The following MACROD2 variants were observed in gnomAD, a reference collection of about 807,000 sequenced individuals.
The protein encoded by MACROD2 is mono-ADP ribosylhydrolase 2.
In MACROD2, 36 loss-of-function variants were observed where a neutral mutation model predicts 70.4. The observed-to-expected ratio is 0.51, with a 90% confidence interval of 0.39 to 0.68. The LOEUF is 0.68. MACROD2 is among the 30% of genes least tolerant of loss of function. MACROD2 has a pLI of 0.00. For missense variants in MACROD2, 496 were observed against 538.4 expected, an observed-to-expected ratio of 0.92 and a Z score of 0.78; for synonymous variants, 172 against 178.8, an observed-to-expected ratio of 0.96 and a Z score of 0.30.
rs534766615 is a variant in MACROD2 at position 14,197,166 on chromosome 20, C to T, written c.271+111438C>T. ...ATTTGAAATGCATAATATCATTATT[C>T]TTATGGGACATTTACCATCTTTATT... On this transcript the variant is annotated intron_variant, in intron 3 of 17. Transcript: ENST00000684519. 3.3e-5 allele frequency among the ~76,000 whole-genome samples: 5 copies of T among 152,282 alleles called. No homozygotes were observed. In the South Asian group the frequency reaches 1.0e-3, roughly 32 times the overall value.
intron 5 of MACROD2, among the ~76,000 whole-genome samples, chr20:14,886,098 G>A (rs2073671909): frequency 6.6e-6 from 1 of 152,166 alleles, no homozygotes; most frequent in South Asian, 2.1e-4. Flanking sequence ...AGCAGGATGG[G>A]CAATATAAAA....
chr20:14,634,101 C>A (rs1242788281), intron 4 of MACROD2, among the ~76,000 whole-genome samples: 2 of 152,204 alleles, frequency 1.3e-5, no homozygotes, highest in Admixed American at 6.5e-5. Context: ...TTCCCACAAC[C>A]CGCCACACCC....
intron 2 of MACROD2, among the ~76,000 whole-genome samples, chr20:14,041,595 G>C (rs180768127): frequency 5.1e-4 from 78 of 152,310 alleles, no homozygotes; most frequent in African/African-American, 1.8e-3. Context: ...AGGCTTTCTA[G>C]AAAGATGTAA....
intron 12 of MACROD2, among the ~76,000 whole-genome samples, chr20:15,948,382 C>CAAAAAAAAAACAAAAAA (rs2065855818): frequency 2.3e-5 from 1 of 43,128 alleles, no homozygotes. Context: ...CTTGCAACTG[C>CAAAAAAAAAACAAAAAA]AAAAAAAAAA....
At chr20:14,030,016 T>C (rs191492767) in intron 2 of MACROD2, among the ~76,000 whole-genome samples, 1 of 152,290 alleles carries the variant, frequency 6.6e-6, no homozygotes, top group Admixed American at 6.5e-5. Flanking sequence ...AAATAGTACT[T>C]TTTTTCCTTG....
At chr20:14,513,288 C>T (rs573986711) in intron 4 of MACROD2, among the ~76,000 whole-genome samples, 1 of 152,034 alleles carries the variant, frequency 6.6e-6, no homozygotes, top group Admixed American at 6.6e-5. Flanking sequence ...TGAGCAAATG[C>T]CTGTTTTGAC....
intron 6 of MACROD2, among the ~76,000 whole-genome samples, chr20:15,237,332 G>A (rs921071758): frequency 6.6e-6 from 1 of 152,184 alleles, no homozygotes; most frequent in African/African-American, 2.4e-5. Context: ...TTCACACCTG[G>A]TTGAGTCCAC....
At chr20:14,527,064 C>T (rs2085242216) in intron 4 of MACROD2, among the ~76,000 whole-genome samples, 1 of 152,296 alleles carries the variant, frequency 6.6e-6, no homozygotes, top group African/African-American at 2.4e-5. Context: ...AGATGGTTTT[C>T]CCCTAGAGTT....
At chr20:15,754,003 G>C (rs531682726) in intron 8 of MACROD2, among the ~76,000 whole-genome samples, 41 of 152,190 alleles carry the variant, frequency 2.7e-4, no homozygotes, top group African/African-American at 8.7e-4. Context: ...ACATCTCTCC[G>C]AAAATCTGAT....
chr20:14,530,433 T>C (rs1543571), intron 4 of MACROD2, among the ~76,000 whole-genome samples: 3,285 of 152,322 alleles, frequency 0.022, 55 homozygotes, highest in Non-Finnish European at 0.035. Flanking sequence ...ATATTTTTTA[T>C]TTAGCTCTCA....
At chr20:15,590,959 A>AAAAGAAAGAAAG (rs146525368) in intron 8 of MACROD2, among the ~76,000 whole-genome samples, 24 of 149,506 alleles carry the variant, frequency 1.6e-4, no homozygotes, top group Middle Eastern at 3.4e-3. Flanking sequence ...GAAAGAAAGA[A>AAAAGAAAGAAAG]AAAGAAAGAA....
At chr20:15,596,313 A>G (rs2048745323) in intron 8 of MACROD2, among the ~76,000 whole-genome samples, 1 of 152,146 alleles carries the variant, frequency 6.6e-6, no homozygotes, top group South Asian at 2.1e-4. Context: ...ATGCCTTCTT[A>G]TGGTGGGTGT....
At chr20:15,697,833 T>C (rs542415986) in intron 8 of MACROD2, among the ~76,000 whole-genome samples, 2 of 152,370 alleles carry the variant, frequency 1.3e-5, no homozygotes, top group African/African-American at 4.8e-5. Flanking sequence ...TTTTAACCAC[T>C]GTTGCTTTAA....
chr20:14,481,780 C>G (rs1427816835), intron 3 of MACROD2, among the ~76,000 whole-genome samples: 1 of 152,170 alleles, frequency 6.6e-6, no homozygotes, highest in Non-Finnish European at 1.5e-5. Flanking sequence ...CTTAACCTCA[C>G]TATAGCCTCA....
Position 14,791,797 on chromosome 20 carries a change from A to G in MACROD2, c.418+106838A>G, listed in dbSNP as rs971349348. ...AAAAGCATATAAACAATGTATAAATATGAATACACTCCTATTTTGTTAATA... is the reference window on the plus strand; with the variant it reads ...AAAAGCATATAAACAATGTATAAATGTGAATACACTCCTATTTTGTTAATA... On this transcript the variant is annotated intron_variant, in intron 5 of 17. Transcript: ENST00000684519. Among the ~76,000 whole-genome samples the G allele has an allele frequency of 1.6e-4, 25 of 152,016 alleles. 1 individual carries two copies. Among genetic ancestry groups the G allele is most frequent in the African/African-American group, 5.8e-4 (24 of 41,466 alleles).
chr20:14,660,207 G>A (rs528384869), intron 4 of MACROD2, among the ~76,000 whole-genome samples: 169 of 152,296 alleles, frequency 1.1e-3, no homozygotes, highest in African/African-American at 4.0e-3. Context: ...TGTTACTGAT[G>A]AGATCCTTGC....
At chr20:15,071,812 A>G (rs1171073666) in intron 5 of MACROD2, among the ~76,000 whole-genome samples, 1 of 152,150 alleles carries the variant, frequency 6.6e-6, no homozygotes, top group East Asian at 1.9e-4. Flanking sequence ...TTTGAATCCT[A>G]AAATTCAGAA....
chr20:14,729,254 A>C (rs927680576), intron 5 of MACROD2, among the ~76,000 whole-genome samples: 1 of 152,166 alleles, frequency 6.6e-6, no homozygotes, highest in Non-Finnish European at 1.5e-5. Context: ...CTAGTAGCAG[A>C]ATTTCCACAT....
intron 5 of MACROD2, among the ~76,000 whole-genome samples, chr20:14,790,173 G>T (rs1312984124): frequency 3.9e-5 from 6 of 151,904 alleles, no homozygotes; most frequent in Non-Finnish European, 8.8e-5. Flanking sequence ...AATAAAAACT[G>T]CATGTAAAAT....
Sources: gnomAD v4.1 joint callset for allele counts (sites outside exome capture counted in the v4.1 genomes callset) on GRCh38, gnomAD v4.1.1 for gene constraint, MANE v1.5 for transcripts, NCBI Gene and HGNC (gene_info 2026-07-23, HGNC 2026-07-21) for gene names.